Variants in INTS3 observed in about 807,000 individuals in gnomAD.
INTS3 encodes SOSS complex subunit A.
A neutral mutation model predicts 146.3 loss-of-function variants in INTS3; 34 were observed. The ratio of observed to expected loss-of-function variants is 0.23; its 90% CI spans 0.18 to 0.31. The LOEUF (loss-of-function observed/expected upper bound fraction) is 0.31, where lower values mean the gene tolerates loss of function less well. INTS3 is among the 10% of genes least tolerant of loss of function. INTS3 has a pLI of 1.00. For synonymous variants in INTS3, 475 were observed against 494.9 expected (o/e 0.96, Z 0.53); for missense variants, 757 against 1,304.2 (o/e 0.58, Z 6.46).
At position 153,748,698 on chromosome 1, in the gene INTS3, T is replaced by C; in HGVS notation, c.527T>C (p.Val176Ala). Residue 176 changes from valine (V) to alanine (A), a missense_variant, in exon 6 of 30, where the codon GTT (valine) becomes GCT (alanine). Val to Ala is a moderately conservative substitution (Grantham distance 64, BLOSUM62 0). Coordinates refer to ENST00000318967, the MANE Select transcript of INTS3 (RefSeq NM_023015.5). ...CCCCTTTTGAAATCAGGTGGAGATG[T>C]TACAGCCAAAAATATCTGGTTGGCA... ...TFMKQIAGGDVTAKNIWLAES... is the reference protein window; with the variant it reads ...TFMKQIAGGDATAKNIWLAES... 1 of 1,613,968 alleles carries C rather than the reference T, an allele frequency of 6.2e-7. No individual in the cohort carries two copies. The highest frequency in any genetic ancestry group is 1.1e-5 in the South Asian group (1 of 91,078).
Position 153,763,139 on chromosome 1 carries a change from A to C in INTS3, c.1637-94A>C, listed in dbSNP as rs914610443. ...GCATTGAGGAAACAGGTGCACACTT[A>C]GGGCATGTGAGGAAGGGGATAAGTC... On this transcript the variant is annotated intron_variant, in intron 15 of 29. Coordinates refer to ENST00000318967, the MANE Select transcript of INTS3 (RefSeq NM_023015.5). 8 of 1,493,906 alleles carry C rather than the reference A, an allele frequency of 5.4e-6. No homozygotes were observed. In the Admixed American group the frequency reaches 6.7e-5, roughly 13 times the overall value. The allele number at this position is 1,493,906 out of a possible 1,614,324, so 92.5% of individuals were successfully genotyped here. A position where few individuals can be genotyped will look rare whatever the true frequency, so the allele number is the denominator to read the frequency against.
chr1:153,740,351 C>T (rs950123979), intron 1 of INTS3, among the ~76,000 whole-genome samples: 5 of 152,206 alleles, frequency 3.3e-5, no homozygotes, highest in Non-Finnish European at 5.9e-5. Flanking sequence ...CTGCCCACCT[C>T]GGCCTCCTAA....
chr1:153,759,477 G>T (rs746667452), intron 10 of INTS3, 49 bp from the exon 11 acceptor site: 3 of 1,212,648 alleles, frequency 2.5e-6, no homozygotes, highest in South Asian at 2.4e-5. Context: ...TGAAATGGAG[G>T]GGGGTGATTG....
chr1:153,737,593 G>A (rs1671351227), intron 1 of INTS3, among the ~76,000 whole-genome samples: 1 of 152,168 alleles, frequency 6.6e-6, no homozygotes, highest in African/African-American at 2.4e-5. Context: ...CTGACTCCCA[G>A]GTTCAGGCGA....
At chr1:153,771,049 G>A (rs1400518884) in intron 25 of INTS3, among the ~76,000 whole-genome samples, 5 of 131,584 alleles carry the variant, frequency 3.8e-5, no homozygotes, top group Non-Finnish European at 8.1e-5. Context: ...CCCCCCCACC[G>A]CCCCATGCTC....
chr1:153,756,046 T>A (rs780722538), intron 9 of INTS3, among the ~76,000 whole-genome samples: 2 of 144,950 alleles, frequency 1.4e-5, no homozygotes, highest in South Asian at 2.2e-4. Flanking sequence ...TCTCAAAAAA[T>A]ATATATATAT....
chr1:153,740,561 C>G, intron 1 of INTS3, 90 bp from the exon 2 acceptor site: 1 of 911,654 alleles, frequency 1.1e-6, no homozygotes, highest in Non-Finnish European at 1.8e-6. Flanking sequence ...TGGGCATGAT[C>G]AGGTTTGAAT....
chr1:153,770,567 C>T (rs1305012645), intron 24 of INTS3, 118 bp from the exon 25 acceptor site: 1 of 859,346 alleles, frequency 1.2e-6, no homozygotes, highest in African/African-American at 1.7e-5. Flanking sequence ...TTCTTCCTGG[C>T]TCCTCATCAA....
In INTS3 at chr1:153,751,179, C is replaced by T; in HGVS notation, c.669C>T (p.Ala223=). The change falls in exon 7 of 30, where the codon GCC becomes GCT. Residue 223 remains alanine (A), a synonymous_variant. Coordinates refer to ENST00000318967, the MANE Select transcript of INTS3 (RefSeq NM_023015.5). ...TCATCGTGGACCACCATGGGACTGC[C>T]CAGCTCCAGGCCCTGCGACAGAAGG... is the stretch of plus-strand genomic sequence containing the variant. ...LRLIVDHHGT[A]QLQALRQKEV... The T allele has an allele frequency of 6.2e-7, 1 of 1,614,148 alleles. No individual in the cohort carries two copies. The highest frequency in any genetic ancestry group is 8.5e-7 in the Non-Finnish European group (1 of 1,180,026).
intron 6 of INTS3, among the ~76,000 whole-genome samples, chr1:153,749,849 C>T (rs1671890709): frequency 6.6e-6 from 1 of 152,118 alleles, no homozygotes; most frequent in East Asian, 1.9e-4. Context: ...TTCGTGGTAC[C>T]AAATACGTCC....
intron 3 of INTS3, 130 bp downstream of exon 3, chr1:153,741,498 G>A: frequency 1.5e-6 from 1 of 659,636 alleles, no homozygotes; most frequent in Non-Finnish European, 2.7e-6. Flanking sequence ...TCCAAATATA[G>A]TTACAAGTCC....
chr1:153,771,251 G>C (rs1672851641), intron 25 of INTS3, among the ~76,000 whole-genome samples: 1 of 152,200 alleles, frequency 6.6e-6, no homozygotes, highest in Admixed American at 6.5e-5. Context: ...CCCGATAAAT[G>C]GGGCAGCAGC....
At chr1:153,729,509 T>G (rs1040164868) in intron 1 of INTS3, among the ~76,000 whole-genome samples, 12 of 152,218 alleles carry the variant, frequency 7.9e-5, no homozygotes, top group Non-Finnish European at 1.6e-4. Flanking sequence ...GCTTTCTCAT[T>G]CTGCCATCTC....
intron 19 of INTS3, 39 bp from the exon 20 acceptor site, chr1:153,764,905 G>C (rs1043725920): frequency 5.0e-6 from 8 of 1,613,720 alleles, no homozygotes; most frequent in Non-Finnish European, 6.8e-6. Context: ...TCTGCCCTGG[G>C]TAAAGTTCTG....
At chr1:153,773,146 A>G (rs1375913992) in intron 29 of INTS3, 47 bp from the exon 30 acceptor site, 2 of 1,613,630 alleles carry the variant, frequency 1.2e-6, no homozygotes, top group Non-Finnish European at 1.7e-6. Flanking sequence ...CGGCGCCAGC[A>G]GCTGCCCAGG....
In INTS3 at chr1:153,772,938, T is replaced by C. The variant is rs1241565998; in HGVS notation, c.2908T>C (p.Phe970Leu). The C allele has an allele frequency of 6.2e-7, 1 of 1,614,134 alleles. No individual in the cohort carries two copies. The highest frequency in any genetic ancestry group is 8.5e-7 in the Non-Finnish European group (1 of 1,180,016). Residue 970 changes from phenylalanine (F) to leucine (L), a missense_variant, in exon 29 of 30, where the codon TTC becomes CTC. Coordinates refer to ENST00000318967, the MANE Select transcript of INTS3 (RefSeq NM_023015.5). The surrounding 1 kb of genome is among the most constrained non-coding windows in gnomAD (Gnocchi z 4.6). ...CCTTTTCCTTAGATTCAGTGATCTC[T>C]TCTCCCTGGCGGAGGAATATGAGGA... Reference protein sequence around the residue: ...EAHKMKFSDLFSLAEEYEDSS... With the variant: ...EAHKMKFSDLLSLAEEYEDSS...
chr1:153,768,762 A>C, intron 21 of INTS3, 131 bp from the exon 22 acceptor site: 1 of 687,372 alleles, frequency 1.5e-6, no homozygotes, highest in Non-Finnish European at 2.6e-6. Context: ...ATCTCTGTTT[A>C]GGGGTTTATT....
At chr1:153,767,108 T>C (rs1558008170) in intron 20 of INTS3, 1 of 152,302 alleles carries the variant, frequency 6.6e-6, no homozygotes, top group Non-Finnish European at 1.5e-5. Flanking sequence ...AAATATTTTT[T>C]CTTCCATTCT....
chr1:153,771,646 C>T (rs1672874288), intron 25 of INTS3, 150 bp from the exon 26 acceptor site: 2 of 715,498 alleles, frequency 2.8e-6, no homozygotes, highest in Admixed American at 5.5e-5. Flanking sequence ...AGGATGAAAC[C>T]AGGCATTCCT....
Sources: allele counts gnomAD v4.1 joint callset (sites outside exome capture counted in the v4.1 genomes callset), GRCh38; gene constraint gnomAD v4.1.1; non-coding constraint Gnocchi (gnomAD v3.1); transcripts MANE v1.5; gene names NCBI Gene and HGNC (gene_info 2026-07-23, HGNC 2026-07-21).